The following NUBP1 variants were observed in gnomAD, a reference collection of about 807,000 sequenced individuals.
NUBP1 encodes the protein NUBP iron-sulfur cluster assembly factor 1, cytosolic.
NUBP1 carries 46 observed loss-of-function variants against 41.8 expected under a neutral mutation model. The ratio of observed to expected loss-of-function variants is 1.10; its 90% CI spans 0.87 to 1.41. The LOEUF (loss-of-function observed/expected upper bound fraction) is 1.41. NUBP1 is among the 40% of genes most tolerant of loss of function. The pLI is 0.00. For missense variants in NUBP1, 494 were observed against 414.0 expected (o/e 1.19, Z -1.68); for synonymous variants, 189 against 154.6 (o/e 1.22, Z -1.65).
chr16:10,761,127 C>T (rs951047454), intron 7 of NUBP1: 1 of 411,484 alleles, frequency 2.4e-6, no homozygotes, highest in Non-Finnish European at 4.5e-6. Context: ...GAAACTGCCC[C>T]CATGATCCAA....
intron 3 of NUBP1, among the ~76,000 whole-genome samples, chr16:10,747,714 C>T (rs1900126650): frequency 6.6e-6 from 1 of 152,198 alleles, no homozygotes; most frequent in Non-Finnish European, 1.5e-5. Context: ...AAGAAATGCC[C>T]AGTAGTCAAA....
chr16:10,762,897 G>A (rs948101174), intron 9 of NUBP1, among the ~76,000 whole-genome samples: 11 of 152,224 alleles, frequency 7.2e-5, no homozygotes, highest in Admixed American at 5.2e-4. Context: ...AGGGCTGCAT[G>A]GGGAGAATGG....
At chr16:10,744,732 C>T (rs1899982687) in intron 2 of NUBP1, among the ~76,000 whole-genome samples, 1 of 152,046 alleles carries the variant, frequency 6.6e-6, no homozygotes, top group Non-Finnish European at 1.5e-5. Flanking sequence ...AAGCAGGAGG[C>T]AGGAGGACAA....
intron 2 of NUBP1, among the ~76,000 whole-genome samples, chr16:10,745,680 G>A (rs748824198): frequency 6.6e-6 from 1 of 152,222 alleles, no homozygotes; most frequent in Non-Finnish European, 1.5e-5. Context: ...AGTGCAGTAG[G>A]CCTCGTGGCA....
At chr16:10,761,307 A>C in intron 7 of NUBP1, 57 bp from the exon 8 acceptor site, 2 of 1,524,184 alleles carry the variant, frequency 1.3e-6, no homozygotes, top group Non-Finnish European at 1.8e-6. Context: ...TCGGTTGCAC[A>C]GACATTCCCT....
chr16:10,756,780 G>A lies in NUBP1; in HGVS notation c.451G>A (p.Gly151Ser), dbSNP rs762053275. ...TATCTGGAGGGGACCCAAGAAAAAC[G>A]GTTTGCCACTCTGCCTTTTTTTGTC... ...AVIWRGPKKN[G>S]MIKQFLRDVD... Residue 151 changes from glycine to serine, a missense_variant and splice_region_variant, in exon 6 of 11, where the codon GGC (glycine) becomes AGC (serine). By Grantham distance (56) the Gly-to-Ser change is moderately conservative (BLOSUM62 0). Coordinates refer to ENST00000283027, the MANE Select transcript of NUBP1 (RefSeq NM_002484.4). 2.9e-5 allele frequency: 46 copies of A among 1,590,236 alleles called. No homozygotes were observed. Among genetic ancestry groups the A allele is most frequent in the Non-Finnish European group, 3.7e-5 (43 of 1,171,166 alleles).
intron 5 of NUBP1, among the ~76,000 whole-genome samples, chr16:10,756,208 A>G (rs1005101188): frequency 6.6e-6 from 1 of 152,088 alleles, no homozygotes; most frequent in African/African-American, 2.4e-5. Context: ...GCGAAATCCC[A>G]TCTCTACTAA....
At chr16:10,748,984 G>A (rs775426874) in intron 3 of NUBP1, among the ~76,000 whole-genome samples, 2 of 151,876 alleles carry the variant, frequency 1.3e-5, no homozygotes, top group African/African-American at 4.8e-5. Flanking sequence ...TTAGCTACTC[G>A]GGAGGCCGAG....
At chr16:10,762,065 G>A (rs2030002443) in intron 9 of NUBP1, 1 of 515,578 alleles carries the variant, frequency 1.9e-6, no homozygotes, top group African/African-American at 1.9e-5. Flanking sequence ...GCGGGAGCAA[G>A]CAGGCCTCAG....
rs780454835 is a variant in NUBP1 at position 10,757,022 on chromosome 16, G to A, written c.451+242G>A. Among the ~76,000 whole-genome samples, 1 of 152,178 alleles carries A rather than the reference G, an allele frequency of 6.6e-6. No homozygotes were observed. The highest frequency in any genetic ancestry group is 1.5e-5 in the Non-Finnish European group (1 of 68,044). Reference sequence around the variant, plus strand: ...CCTTAAAAGCTGTAGAACCCTGGTCGGGTGTGGTAGCTCACGCCTGTAATC... The same window carrying A: ...CCTTAAAAGCTGTAGAACCCTGGTCAGGTGTGGTAGCTCACGCCTGTAATC... On this transcript the variant is annotated intron_variant, in intron 6 of 10. Coordinates refer to ENST00000283027, the MANE Select transcript of NUBP1 (RefSeq NM_002484.4). The surrounding 1 kb of genome is among the most constrained non-coding windows in gnomAD (Gnocchi z 4.1).
At position 10,767,320 on chromosome 16, in the gene NUBP1, G is replaced by GA. The variant is rs1036204246; in HGVS notation, c.821-628dup. ...AGAAACCTGGGTGTGCATAGGAGGGGACTGGAACAATGGCCACATGGCGGG... is the reference window on the plus strand; with the variant it reads ...AGAAACCTGGGTGTGCATAGGAGGGGAACTGGAACAATGGCCACATGGCGGG... On this transcript the variant is annotated intron_variant, in intron 9 of 10. Coordinates refer to ENST00000283027, the MANE Select transcript of NUBP1 (RefSeq NM_002484.4). The surrounding 1 kb of genome is among the most constrained non-coding windows in gnomAD (Gnocchi z 4.6). 1 of 399,682 alleles carries GA rather than the reference G, an allele frequency of 2.5e-6. No homozygotes were observed. 24.8% of individuals were successfully genotyped at this position (399,682 alleles called of 1,614,324 possible).
chr16:10,744,226 A>T (rs1319577806), intron 2 of NUBP1, among the ~76,000 whole-genome samples, 161 bp downstream of exon 2: 2 of 152,078 alleles, frequency 1.3e-5, no homozygotes, highest in Non-Finnish European at 2.9e-5. Context: ...GGGGCGTGGA[A>T]AGTGGGCAGG....
rs1900108298 is a variant in NUBP1 at position 10,747,292 on chromosome 16, C to T, written c.258+16C>T. The T allele has an allele frequency of 1.9e-6, 3 of 1,611,600 alleles. No individual in the cohort carries two copies. Among genetic ancestry groups the T allele is most frequent in the Middle Eastern group, 1.9e-4 (1 of 5,242 alleles). On this transcript the variant is annotated intron_variant, in intron 3 of 10. Coordinates refer to ENST00000283027, the MANE Select transcript of NUBP1 (RefSeq NM_002484.4). ...AAACACACAGGTGAGACCTCAGGAA[C>T]CACTGGGAGATGCTCATTTTGTCTG...
At chr16:10,762,432 G>A (rs2030070883) in intron 9 of NUBP1, among the ~76,000 whole-genome samples, 1 of 152,318 alleles carries the variant, frequency 6.6e-6, no homozygotes, top group South Asian at 2.1e-4. Flanking sequence ...GCTGAAGGAG[G>A]GACGGGGTTT....
At position 10,756,712 on chromosome 16, in the gene NUBP1, T is replaced by C; in HGVS notation, c.383T>C (p.Val128Ala). 1 of 1,573,640 alleles carries C rather than the reference T, an allele frequency of 6.4e-7. No individual in the cohort carries two copies. The highest frequency in any genetic ancestry group is 8.6e-7 in the Non-Finnish European group (1 of 1,164,712). The change falls in exon 6 of 11, where the codon GTG becomes GCG. Residue 128 changes from valine (V) to alanine (A), a missense_variant. Coordinates refer to ENST00000283027, the MANE Select transcript of NUBP1 (RefSeq NM_002484.4). The stretch of plus-strand genomic sequence containing the variant: ...CAGTACGTGGAAGACAACCTGGGGG[T>C]GATGTCAGTGGGCTTCCTGCTCAGC... ...SPVYVEDNLG[V>A]MSVGFLLSSP...
chr16:10,762,809 G>A (rs1335738800), intron 9 of NUBP1, among the ~76,000 whole-genome samples: 1 of 148,734 alleles, frequency 6.7e-6, no homozygotes, highest in South Asian at 2.2e-4. Flanking sequence ...GGTGGGGGCC[G>A]CGTGCTTGGG....
At chr16:10,744,368 C>T (rs1327117398) in intron 2 of NUBP1, among the ~76,000 whole-genome samples, 2 of 152,232 alleles carry the variant, frequency 1.3e-5, no homozygotes, top group East Asian at 1.9e-4. Flanking sequence ...AGGGTCGGGG[C>T]CAGAGGTTTG....
Position 10,767,917 on chromosome 16 carries a change from C to CTGAA in NUBP1, c.821-30_821-27dup. 1 of 1,603,324 alleles carries CTGAA rather than the reference C, an allele frequency of 6.2e-7. No individual in the cohort carries two copies. The highest frequency in any genetic ancestry group is 8.5e-7 in the Non-Finnish European group (1 of 1,170,274). On this transcript the variant is annotated intron_variant, in intron 9 of 10. Coordinates refer to ENST00000283027, the MANE Select transcript of NUBP1 (RefSeq NM_002484.4). The surrounding 1 kb of genome is among the most constrained non-coding windows in gnomAD (Gnocchi z 4.6). ...GTGGCCATTCTGTTTTCCTCTTGGA[C>CTGAA]TGAATTGTCTTCCGTTTGTTTCTTT...
At chr16:10,755,687 C>A in intron 4 of NUBP1, 34 bp from the exon 5 acceptor site, 1 of 1,610,674 alleles carries the variant, frequency 6.2e-7, no homozygotes. Context: ...TACATGATTT[C>A]TACTAATGAA....
Sources: allele counts gnomAD v4.1 joint callset (sites outside exome capture counted in the v4.1 genomes callset), GRCh38; gene constraint gnomAD v4.1.1; non-coding constraint Gnocchi (gnomAD v3.1); transcripts MANE v1.5; gene names NCBI Gene and HGNC (gene_info 2026-07-23, HGNC 2026-07-21).